The following ASTN1 variants were observed in gnomAD, a reference collection of about 807,000 sequenced individuals.
ASTN1 encodes the protein astrotactin 1, also known as astrotactin-1.
ASTN1 carries 41 observed loss-of-function variants against 140.7 expected under a neutral mutation model. The ratio of observed to expected loss-of-function variants is 0.29; its 90% confidence interval spans 0.23 to 0.38. ASTN1 has a LOEUF of 0.38. Among genes scored for constraint, ASTN1 ranks in the 10% least tolerant of loss-of-function variants. The probability of loss-of-function intolerance (pLI) is 1.00; values close to 1 mark genes in which losing one functional copy is unlikely to be tolerated. For synonymous variants in ASTN1, 640 were observed against 652.2 expected (o/e 0.98, Z 0.29); for missense variants, 1,479 against 1,678.8 (o/e 0.88, Z 2.08).
chr1:176,943,722 A>G (rs1409190874), intron 14 of ASTN1, among the ~76,000 whole-genome samples, 169 bp downstream of exon 14: 1 of 152,204 alleles, frequency 6.6e-6, no homozygotes, highest in Non-Finnish European at 1.5e-5. Context: ...CAACAATTTT[A>G]TTGAAAAATA....
At chr1:177,132,795 A>G (rs1682002793) in intron 1 of ASTN1, among the ~76,000 whole-genome samples, 2 of 152,210 alleles carry the variant, frequency 1.3e-5, no homozygotes, top group East Asian at 1.9e-4. Context: ...AACTGCTATG[A>G]TGCCAGTAAA....
chr1:176,885,371 T>G (rs1668992007), intron 18 of ASTN1, among the ~76,000 whole-genome samples: 2 of 152,256 alleles, frequency 1.3e-5, no homozygotes, highest in South Asian at 4.2e-4. Context: ...CTGGTATGGA[T>G]CTCTTAATTA....
chr1:177,159,330 C>T (rs1185108369), intron 1 of ASTN1, among the ~76,000 whole-genome samples: 1 of 152,138 alleles, frequency 6.6e-6, no homozygotes, highest in Non-Finnish European at 1.5e-5. Flanking sequence ...TGCTAGCATT[C>T]ATCTACTATG....
intron 8 of ASTN1, among the ~76,000 whole-genome samples, chr1:176,986,056 G>C (rs1673890929): frequency 6.6e-6 from 1 of 152,112 alleles, no homozygotes; most frequent in Non-Finnish European, 1.5e-5. Flanking sequence ...CGCCTCTGAA[G>C]CTGCTTCTCC....
At chr1:177,143,729 G>C (rs1682574974) in intron 1 of ASTN1, among the ~76,000 whole-genome samples, 1 of 151,782 alleles carries the variant, frequency 6.6e-6, no homozygotes, top group Non-Finnish European at 1.5e-5. Context: ...TGAAATCATA[G>C]GTTTCATATG....
At chr1:176,968,494 C>T (rs549734338) in intron 8 of ASTN1, among the ~76,000 whole-genome samples, 2 of 152,276 alleles carry the variant, frequency 1.3e-5, no homozygotes, top group African/African-American at 4.8e-5. Context: ...CACTTCCCAC[C>T]CAGTGGTCAC....
chr1:177,014,574 G>A (rs1675449175), intron 8 of ASTN1, among the ~76,000 whole-genome samples: 1 of 152,182 alleles, frequency 6.6e-6, no homozygotes. Context: ...GAAGCTGCAG[G>A]GCTGCGAGTC....
At chr1:177,099,283 C>A (rs1680190697) in intron 1 of ASTN1, among the ~76,000 whole-genome samples, 1 of 152,028 alleles carries the variant, frequency 6.6e-6, no homozygotes, top group African/African-American at 2.4e-5. Context: ...AACAGGCTGG[C>A]AAAAACAAAT....
At chr1:176,874,267 C>T (rs938255297) in intron 21 of ASTN1, among the ~76,000 whole-genome samples, 1 of 152,202 alleles carries the variant, frequency 6.6e-6, no homozygotes, top group Non-Finnish European at 1.5e-5. Context: ...CAGTTTTCCT[C>T]ATCAGGGAAT....
At chr1:176,916,820 C>T (rs1351016599) in intron 16 of ASTN1, among the ~76,000 whole-genome samples, 1 of 152,060 alleles carries the variant, frequency 6.6e-6, no homozygotes, top group African/African-American at 2.4e-5. Flanking sequence ...TGCTGAAATC[C>T]TTTAGTAGCT....
At chr1:177,121,715 A>G (rs1474255294) in intron 1 of ASTN1, among the ~76,000 whole-genome samples, 1 of 151,946 alleles carries the variant, frequency 6.6e-6, no homozygotes, top group Non-Finnish European at 1.5e-5. Flanking sequence ...CAATTCCATG[A>G]TTTGCTGACC....
chr1:176,899,139 A>T, intron 16 of ASTN1, among the ~76,000 whole-genome samples: 1 of 152,232 alleles, frequency 6.6e-6, no homozygotes, highest in South Asian at 2.1e-4. Context: ...TTTTGCAAAT[A>T]CAGCTTGCTA....
intron 1 of ASTN1, among the ~76,000 whole-genome samples, chr1:177,116,011 G>A (rs1681069579): frequency 6.6e-6 from 1 of 152,094 alleles, no homozygotes. Flanking sequence ...AAATCTGGAG[G>A]GTGAGGTAAA....
At chr1:177,061,412 C>T in intron 1 of ASTN1, 147 bp from the exon 2 acceptor site, 1 of 618,736 alleles carries the variant, frequency 1.6e-6, no homozygotes, top group Non-Finnish European at 2.5e-6. Flanking sequence ...GATTTTACTG[C>T]TACTCCAAAC....
intron 21 of ASTN1, among the ~76,000 whole-genome samples, chr1:176,874,997 A>C (rs1668503113): frequency 6.6e-6 from 1 of 152,174 alleles, no homozygotes; most frequent in African/African-American, 2.4e-5. Context: ...TCCTGCTCTC[A>C]TGGAGCTCAC....
intron 12 of ASTN1, among the ~76,000 whole-genome samples, chr1:176,948,758 C>G (rs1324699599): frequency 2.0e-5 from 3 of 150,562 alleles, no homozygotes; most frequent in Non-Finnish European, 4.4e-5. Flanking sequence ...TCCATTTGTC[C>G]AAAGACCACC....
intron 11 of ASTN1, among the ~76,000 whole-genome samples, chr1:176,952,574 A>G (rs1268869664): frequency 6.6e-6 from 1 of 152,036 alleles, no homozygotes; most frequent in Non-Finnish European, 1.5e-5. Context: ...GGAGTTTCCT[A>G]AGGTATAAAT....
chr1:176,879,413 G>T lies in ASTN1; in HGVS notation c.3363-2776C>A, dbSNP rs553040714. Among the ~76,000 whole-genome samples, 10 of 152,310 alleles carry T rather than the reference G, an allele frequency of 6.6e-5. No individual in the cohort carries two copies. In the South Asian group the frequency reaches 2.1e-3, roughly 32 times the overall value. ...CCTGCAATATGTTAAAATGTCACCT[G>T]CCCTAGACCGTCTATGGCTGCATTC... On this transcript the variant is annotated intron_variant, in intron 20 of 22. Transcript: ENST00000361833.
intron 8 of ASTN1, among the ~76,000 whole-genome samples, chr1:176,997,782 G>A (rs1382636230): frequency 6.6e-6 from 1 of 152,114 alleles, no homozygotes; most frequent in Non-Finnish European, 1.5e-5. Context: ...ATAGTCACAG[G>A]CCTGAGGCAT....
Sources: gnomAD v4.1 joint callset for allele counts (sites outside exome capture counted in the v4.1 genomes callset) on GRCh38, gnomAD v4.1.1 for gene constraint, MANE v1.5 for transcripts, NCBI Gene and HGNC (gene_info 2026-07-23, HGNC 2026-07-21) for gene names.